The following NRXN3 variants were observed in gnomAD, a reference collection of about 807,000 sequenced individuals.
NRXN3 encodes neurexin III.
NRXN3 carries 32 observed loss-of-function variants against 137.6 expected under a neutral mutation model. The observed-to-expected ratio is 0.23, with a 90% confidence interval of 0.18 to 0.31. The LOEUF (loss-of-function observed/expected upper bound fraction) is 0.31, where lower values mean the gene tolerates loss of function less well. Ranked by LOEUF, NRXN3 falls within the 10% of genes least tolerant of loss-of-function variation. NRXN3 has a pLI of 1.00. For synonymous variants in NRXN3, 798 were observed against 784.5 expected, an observed-to-expected ratio of 1.02 and a Z score of -0.29; for missense variants, 1,574 against 2,062.5, an observed-to-expected ratio of 0.76 and a Z score of 4.59.
Position 78,618,833 on chromosome 14 carries a change from A to C in NRXN3, c.758-26287A>C, listed in dbSNP as rs57872080. Reference sequence around the variant, plus strand: ...ACATTTTTTAGTGCTTTGGTGCCAAAAAAGAAAAAAAGAAATTTTTGTGCT... The same window carrying C: ...ACATTTTTTAGTGCTTTGGTGCCAACAAAGAAAAAAAGAAATTTTTGTGCT... On this transcript the variant is annotated intron_variant, in intron 4 of 20. Coordinates refer to ENST00000335750, the MANE Select transcript of NRXN3 (RefSeq NM_001330195.2). 2.2e-4 allele frequency among the ~76,000 whole-genome samples: 34 copies of C among 152,360 alleles called. No homozygotes were observed. The East Asian group carries it at 3.5e-3, about 16-fold the overall frequency.
At chr14:78,466,981 G>A (rs2095125488) in intron 4 of NRXN3, among the ~76,000 whole-genome samples, 1 of 152,040 alleles carries the variant, frequency 6.6e-6, no homozygotes, top group Non-Finnish European at 1.5e-5. Context: ...ATGTACCCCT[G>A]CACTTAAAAG....
intron 4 of NRXN3, among the ~76,000 whole-genome samples, chr14:78,401,218 G>A (rs184816399): frequency 1.4e-4 from 21 of 152,206 alleles, no homozygotes; most frequent in Admixed American, 1.2e-3. Flanking sequence ...AGGCTGGAGT[G>A]CAATAGCGTG....
chr14:78,263,054 T>TTC (rs1217818752), intron 2 of NRXN3, among the ~76,000 whole-genome samples: 2 of 151,656 alleles, frequency 1.3e-5, no homozygotes, highest in Non-Finnish European at 2.9e-5. Flanking sequence ...AAGTCACTTT[T>TTC]TTTTTAGTTT....
In NRXN3 at chr14:78,778,722, CTTTCT is replaced by C. The variant is rs2098754620; in HGVS notation, c.2045-24895_2045-24891del. Among the ~76,000 whole-genome samples the C allele has an allele frequency of 1.2e-4, 16 of 136,124 alleles. No individual in the cohort carries two copies. The South Asian group carries it at 3.8e-3, about 33-fold the overall frequency. 89.3% of individuals were successfully genotyped at this position (136,124 alleles called of 152,430 possible). On this transcript the variant is annotated intron_variant, in intron 8 of 20. Coordinates refer to ENST00000335750, the MANE Select transcript of NRXN3 (RefSeq NM_001330195.2). ...TCTTTCTTTCTTTCTTTCTTTCTTT[CTTTCT>C]TTCTCTCTCTCTTTCTTTCTTTCCT...
chr14:78,755,485 G>A (rs1179547786), intron 8 of NRXN3, among the ~76,000 whole-genome samples: 2 of 152,152 alleles, frequency 1.3e-5, no homozygotes, highest in African/African-American at 2.4e-5. Context: ...AAATGAGTGA[G>A]CACACTTGAC....
chr14:79,536,534 G>A (rs943796080), intron 16 of NRXN3, among the ~76,000 whole-genome samples: 2 of 151,828 alleles, frequency 1.3e-5, no homozygotes, highest in Non-Finnish European at 2.9e-5. Flanking sequence ...ATTCCATGGT[G>A]GTTTGCAGTA....
intron 19 of NRXN3, among the ~76,000 whole-genome samples, chr14:79,756,197 A>G (rs1568132141): frequency 6.6e-6 from 1 of 152,138 alleles, no homozygotes; most frequent in Non-Finnish European, 1.5e-5. Flanking sequence ...TTTTCTGAAA[A>G]TCATAGTAAA....
At chr14:78,382,952 A>G (rs142651899) in intron 4 of NRXN3, among the ~76,000 whole-genome samples, 2 of 152,222 alleles carry the variant, frequency 1.3e-5, no homozygotes, top group East Asian at 3.9e-4. Flanking sequence ...CCCTCTGCTT[A>G]TTATGGTCAG....
intron 1 of NRXN3, among the ~76,000 whole-genome samples, chr14:78,235,000 A>ATATATATATATATATATATGTG (rs1555418534): frequency 0.17 from 6,099 of 36,678 alleles, 347 homozygotes; most frequent in Middle Eastern, 0.25. Flanking sequence ...GCTTTTATAT[A>ATATATATATATATATATATGTG]TATATATATA....
At chr14:79,093,642 G>A (rs1055300160) in intron 15 of NRXN3, among the ~76,000 whole-genome samples, 2 of 152,124 alleles carry the variant, frequency 1.3e-5, no homozygotes, top group Non-Finnish European at 2.9e-5. Flanking sequence ...GGTTAAGTGT[G>A]GCAACTTTGA....
chr14:79,066,422 T>A (rs1205190329), intron 15 of NRXN3, among the ~76,000 whole-genome samples: 2 of 152,154 alleles, frequency 1.3e-5, no homozygotes, highest in Non-Finnish European at 2.9e-5. Context: ...TCAGGTAGTG[T>A]GATGTCTCCA....
At chr14:79,378,782 T>A (rs1022222876) in intron 15 of NRXN3, among the ~76,000 whole-genome samples, 3 of 152,078 alleles carry the variant, frequency 2.0e-5, no homozygotes, top group Non-Finnish European at 4.4e-5. Context: ...TGATTAAAAT[T>A]GAGGTTTTTA....
chr14:79,562,978 A>G (rs1458307440), intron 16 of NRXN3, among the ~76,000 whole-genome samples: 1 of 152,192 alleles, frequency 6.6e-6, no homozygotes, highest in Non-Finnish European at 1.5e-5. Context: ...ATGGTAATCC[A>G]CAATAGATGA....
At chr14:79,812,133 A>C (rs1439052349) in intron 20 of NRXN3, among the ~76,000 whole-genome samples, 1 of 152,202 alleles carries the variant, frequency 6.6e-6, no homozygotes, top group African/African-American at 2.4e-5. Context: ...TAATAAAAAA[A>C]TGAAAAAAAT....
At chr14:79,257,159 G>C (rs1051134540) in intron 15 of NRXN3, among the ~76,000 whole-genome samples, 1 of 152,010 alleles carries the variant, frequency 6.6e-6, no homozygotes, top group Non-Finnish European at 1.5e-5. Context: ...ACCTCTCTTT[G>C]AAGGCAGGGA....
In NRXN3 at chr14:78,317,805, A is replaced by G. The variant is rs916297962; in HGVS notation, c.757+19945A>G. ...CCCCTTTTCAACTCGACACTCATCT[A>G]TATCTCCTTAAATGATACTTAATCT... On this transcript the variant is annotated intron_variant, in intron 4 of 20. Coordinates refer to ENST00000335750, the MANE Select transcript of NRXN3 (RefSeq NM_001330195.2). Among the ~76,000 whole-genome samples, 13 of 152,210 alleles carry G rather than the reference A, an allele frequency of 8.5e-5. No homozygotes were observed. The East Asian group carries it at 2.3e-3, about 27-fold the overall frequency.
intron 6 of NRXN3, among the ~76,000 whole-genome samples, chr14:78,693,142 T>C (rs1314402926): frequency 6.6e-6 from 1 of 151,892 alleles, no homozygotes; most frequent in Admixed American, 6.6e-5. Flanking sequence ...TTTGGCACAG[T>C]TCTTGGCACT....
At chr14:79,487,660 A>C (rs893999556) in intron 16 of NRXN3, among the ~76,000 whole-genome samples, 1 of 146,120 alleles carries the variant, frequency 6.8e-6, no homozygotes, top group Non-Finnish European at 1.5e-5. Context: ...CTGCAGGGTT[A>C]CAGGGGTAAC....
At chr14:78,995,515 G>A (rs2099528186) in intron 15 of NRXN3, among the ~76,000 whole-genome samples, 1 of 152,120 alleles carries the variant, frequency 6.6e-6, no homozygotes, top group South Asian at 2.1e-4. Flanking sequence ...CTAAAGTGCA[G>A]ATATTTTGTA....
Sources: gnomAD v4.1 joint callset for allele counts (sites outside exome capture counted in the v4.1 genomes callset) on GRCh38, gnomAD v4.1.1 for gene constraint, MANE v1.5 for transcripts, NCBI Gene and HGNC (gene_info 2026-07-23, HGNC 2026-07-21) for gene names.